Variants in GLDC observed in about 807,000 individuals in gnomAD.
GLDC encodes glycine dehydrogenase (decarboxylating), mitochondrial.
GLDC carries 104 observed loss-of-function variants against 121.3 expected under a neutral mutation model. The ratio of observed to expected loss-of-function variants is 0.86; its 90% CI spans 0.73 to 1.01. GLDC has a LOEUF of 1.01. Ranked by LOEUF, GLDC falls within the 50% of genes least tolerant of loss-of-function variation. GLDC has a pLI of 0.00. For missense variants in GLDC, 1,429 were observed against 1,306.6 expected (o/e 1.09, Z -1.44); for synonymous variants, 546 against 480.6 (o/e 1.14, Z -1.78).
intron 2 of GLDC, among the ~76,000 whole-genome samples, chr9:6,623,579 C>T (rs1227745853): frequency 6.6e-6 from 1 of 151,086 alleles, no homozygotes; most frequent in African/African-American, 2.4e-5. Flanking sequence ...CCTGCCAAAT[C>T]CCCCTCTGAG....
At chr9:6,608,427 A>T (rs1225384222) in intron 4 of GLDC, among the ~76,000 whole-genome samples, 1 of 149,340 alleles carries the variant, frequency 6.7e-6, no homozygotes, top group South Asian at 2.1e-4. Context: ...GTCTCAAAAA[A>T]AACAAAATAA....
rs2129896036 is a variant in GLDC at position 6,604,662 on chromosome 9, T to C, written c.984A>G (p.Gly328=). ...QRFGVPLGYG[G]PHAAFFAVRE... ...GGACAGCAAAAAATGCTGCATGGGG[T>C]CCCCCATAGCCCAGTGGCACTCCAA... Residue 328 remains glycine, a synonymous_variant, in exon 7 of 25, where the codon GGA becomes GGG. Transcript: ENST00000321612. The C allele has an allele frequency of 1.9e-6, 3 of 1,614,000 alleles. No individual in the cohort carries two copies. The highest frequency in any genetic ancestry group is 2.5e-6 in the Non-Finnish European group (3 of 1,179,992).
intron 16 of GLDC, among the ~76,000 whole-genome samples, chr9:6,564,560 T>C (rs1817817951): frequency 6.6e-6 from 1 of 152,136 alleles, no homozygotes; most frequent in Non-Finnish European, 1.5e-5. Flanking sequence ...AGCAGATGCT[T>C]TTGCCCTGCT....
intron 15 of GLDC, 70 bp from the exon 16 acceptor site, chr9:6,565,499 T>G (rs1355609191): frequency 8.1e-7 from 1 of 1,234,018 alleles, no homozygotes; most frequent in African/African-American, 1.5e-5. Context: ...CAATATTTAT[T>G]GGGCCCTGGC....
At chr9:6,637,271 T>C (rs1587984208) in intron 2 of GLDC, among the ~76,000 whole-genome samples, 1 of 151,058 alleles carries the variant, frequency 6.6e-6, no homozygotes, top group East Asian at 2.0e-4. Flanking sequence ...ACAGGCGTGG[T>C]GGCAGGTGAC....
intron 16 of GLDC, among the ~76,000 whole-genome samples, chr9:6,563,724 G>C (rs1306150324): frequency 1.3e-5 from 2 of 152,230 alleles, no homozygotes; most frequent in South Asian, 2.1e-4. Flanking sequence ...GGGAATTTCA[G>C]GGTCTGTGTC....
intron 2 of GLDC, among the ~76,000 whole-genome samples, chr9:6,625,203 C>G (rs916486398): frequency 5.9e-5 from 9 of 152,030 alleles, no homozygotes; most frequent in African/African-American, 2.2e-4. Context: ...CCCAACAATC[C>G]CTCAGTGACC....
In GLDC at chr9:6,533,013, A is replaced by C. The variant is rs758402823; in HGVS notation, c.*4T>G. Reference sequence around the variant, plus strand: ...ATCAGTCCTTTAAACTTAGGGACAGAGGACTAAGAAGACGCCCTCTTTTGT... The same window carrying C: ...ATCAGTCCTTTAAACTTAGGGACAGCGGACTAAGAAGACGCCCTCTTTTGT... On this transcript the variant is annotated 3_prime_UTR_variant, in exon 25 of 25. Transcript: ENST00000321612. The C allele has an allele frequency of 2.5e-6, 4 of 1,603,700 alleles. No individual in the cohort carries two copies. Among genetic ancestry groups the C allele is most frequent in the Non-Finnish European group, 3.4e-6 (4 of 1,171,172 alleles).
chr9:6,612,253 T>TCACACA (rs111819532), intron 3 of GLDC, among the ~76,000 whole-genome samples: 35 of 150,104 alleles, frequency 2.3e-4, no homozygotes, highest in African/African-American at 7.9e-4. Flanking sequence ...TCTCTCTCTC[T>TCACACA]CACACACACT....
intron 11 of GLDC, among the ~76,000 whole-genome samples, chr9:6,591,545 GATACAA>G (rs929279120): frequency 1.3e-5 from 2 of 152,298 alleles, no homozygotes; most frequent in Admixed American, 6.5e-5. Context: ...ACATAACCAA[GATACAA>G]ATGTCTTGCA....
intron 21 of GLDC, chr9:6,541,751 T>G (rs893580923): frequency 1.6e-4 from 21 of 130,896 alleles, no homozygotes; most frequent in African/African-American, 5.9e-4. Context: ...TGCTTGAACC[T>G]GGAAGGTGGT....
At chr9:6,562,855 C>T (rs935320441) in intron 16 of GLDC, among the ~76,000 whole-genome samples, 2 of 152,334 alleles carry the variant, frequency 1.3e-5, no homozygotes, top group African/African-American at 4.8e-5. Flanking sequence ...GCCACCATGC[C>T]CGAGCTAATT....
rs972417479 is a variant in GLDC at position 6,611,381 on chromosome 9, C to T, written c.471-1025G>A. 4.0e-5 allele frequency among the ~76,000 whole-genome samples: 6 copies of T among 150,452 alleles called. 1 individual carries two copies. Among genetic ancestry groups the T allele is most frequent in the Non-Finnish European group, 8.9e-5 (6 of 67,568 alleles). ...GACCATCCTGGCTAACATGGTGAAA[C>T]CCGTCTCTACTAAAAATACAAACAA... On this transcript the variant is annotated intron_variant, in intron 3 of 24. Coordinates refer to ENST00000321612, the MANE Select transcript of GLDC (RefSeq NM_000170.3).
chr9:6,561,242 A>G (rs1020801463), intron 16 of GLDC, among the ~76,000 whole-genome samples: 1 of 152,248 alleles, frequency 6.6e-6, no homozygotes, highest in African/African-American at 2.4e-5. Context: ...GAGAAGTCAC[A>G]GTGGCTTTGT....
At chr9:6,544,215 T>G (rs1490753910) in intron 21 of GLDC, among the ~76,000 whole-genome samples, 1 of 152,118 alleles carries the variant, frequency 6.6e-6, no homozygotes, top group African/African-American at 2.4e-5. Context: ...TGTTTCCCTG[T>G]AGTTCAAGCG....
At chr9:6,621,592 A>C (rs1819095159) in intron 2 of GLDC, among the ~76,000 whole-genome samples, 1 of 152,104 alleles carries the variant, frequency 6.6e-6, no homozygotes, top group Admixed American at 6.5e-5. Context: ...ATCTTGGCTC[A>C]CTGCAACCTC....
chr9:6,639,519 C>T, intron 2 of GLDC: 1 of 800,088 alleles, frequency 1.2e-6, no homozygotes, highest in Non-Finnish European at 2.2e-6. Flanking sequence ...GGGCAACACC[C>T]TGATTCGGCC....
intron 18 of GLDC, among the ~76,000 whole-genome samples, chr9:6,555,528 G>T (rs1307052209): frequency 6.6e-6 from 1 of 152,032 alleles, no homozygotes; most frequent in African/African-American, 2.4e-5. Context: ...TAGCACTTTG[G>T]GAAGCTGAGG....
At chr9:6,605,310 C>A in intron 5 of GLDC, 32 bp from the exon 6 acceptor site, 6 of 1,610,962 alleles carry the variant, frequency 3.7e-6, no homozygotes, top group Non-Finnish European at 5.1e-6. Flanking sequence ...AACAATCGTG[C>A]TTTCGGTTTA....
Sources: allele counts gnomAD v4.1 joint callset (sites outside exome capture counted in the v4.1 genomes callset), GRCh38; gene constraint gnomAD v4.1.1; transcripts MANE v1.5; gene names NCBI Gene and HGNC (gene_info 2026-07-23, HGNC 2026-07-21).